NPAS2: variants seen among roughly 807,000 people sequenced by gnomAD.
The protein encoded by NPAS2 is neuronal PAS domain-containing protein 2.
In NPAS2, 23 loss-of-function variants were observed where a neutral mutation model predicts 107.5. The observed-to-expected ratio is 0.21, with a 90% CI of 0.15 to 0.30. The LOEUF is 0.30. Ranked by LOEUF, NPAS2 falls within the 10% of genes least tolerant of loss-of-function variation. The pLI is 1.00. For missense variants in NPAS2, 756 were observed against 1,043.3 expected, an observed-to-expected ratio of 0.72 and a Z score of 3.79; for synonymous variants, 403 against 417.5, an observed-to-expected ratio of 0.97 and a Z score of 0.42.
chr2:100,967,060 A>G (rs534692824), intron 10 of NPAS2, among the ~76,000 whole-genome samples: 1 of 145,436 alleles, frequency 6.9e-6, no homozygotes, highest in South Asian at 2.3e-4. Flanking sequence ...CTACACTTGT[A>G]GAATCAGGCC....
intron 7 of NPAS2, among the ~76,000 whole-genome samples, chr2:100,953,693 A>G (rs1675380675): frequency 6.6e-6 from 1 of 152,126 alleles, no homozygotes; most frequent in African/African-American, 2.4e-5. Flanking sequence ...GTGGGAAGTC[A>G]GGGGCCCACA....
chr2:100,931,128 A>G (rs1683919053), intron 3 of NPAS2, among the ~76,000 whole-genome samples: 1 of 152,170 alleles, frequency 6.6e-6, no homozygotes, highest in African/African-American at 2.4e-5. Context: ...TCTGCTTCCC[A>G]TGCTGCATTC....
At chr2:100,955,663 C>T (rs2105094578) in intron 7 of NPAS2, among the ~76,000 whole-genome samples, 1 of 150,966 alleles carries the variant, frequency 6.6e-6, no homozygotes, top group South Asian at 2.1e-4. Context: ...CTCCTGGTGC[C>T]TTGTGATTTG....
chr2:100,837,130 A>G (rs1256931673), intron 1 of NPAS2, among the ~76,000 whole-genome samples: 1 of 151,936 alleles, frequency 6.6e-6, no homozygotes, highest in African/African-American at 2.4e-5. Flanking sequence ...TCCCAAGGAG[A>G]TTTTCTTTCA....
intron 12 of NPAS2, among the ~76,000 whole-genome samples, chr2:100,974,596 G>A (rs1235839221): frequency 2.0e-5 from 3 of 152,204 alleles, no homozygotes; most frequent in East Asian, 3.8e-4. Flanking sequence ...GGTAATAAAC[G>A]CTGCTTTTCG....
intron 2 of NPAS2, among the ~76,000 whole-genome samples, chr2:100,911,357 A>T (rs1396728658): frequency 6.6e-6 from 1 of 152,160 alleles, no homozygotes; most frequent in East Asian, 1.9e-4. Flanking sequence ...ATAATTATAC[A>T]TTTTCTTATA....
At position 100,964,846 on chromosome 2, in the gene NPAS2, C is replaced by A. The variant is rs760790265; in HGVS notation, c.718-15C>A. On this transcript the variant is annotated splice_polypyrimidine_tract_variant and intron_variant, in intron 8 of 20. Coordinates refer to ENST00000335681, the MANE Select transcript of NPAS2 (RefSeq NM_002518.4). ...CACCCAAGCAACTTTTTTTTTTTTT[C>A]TGCTTCCAATACAGGAAATGTGCAT... is the stretch of plus-strand genomic sequence containing the variant. 4.9e-6 allele frequency: 7 copies of A among 1,433,864 alleles called. No individual in the cohort carries two copies. The highest frequency in any genetic ancestry group is 5.6e-5 in the East Asian group (2 of 35,462). 88.8% of individuals were successfully genotyped at this position (1,433,864 alleles called of 1,614,324 possible).
At chr2:100,833,054 C>G (rs1369219398) in intron 1 of NPAS2, among the ~76,000 whole-genome samples, 1 of 152,148 alleles carries the variant, frequency 6.6e-6, no homozygotes. Context: ...TATGAGACAC[C>G]TATAAAAACA....
intron 10 of NPAS2, among the ~76,000 whole-genome samples, chr2:100,966,085 A>G (rs1375915332): frequency 2.0e-5 from 3 of 152,104 alleles, no homozygotes; most frequent in Non-Finnish European, 4.4e-5. Flanking sequence ...TACATTTCAG[A>G]GATAAAATAC....
At chr2:100,850,036 AAGC>A (rs59196033) in intron 1 of NPAS2, among the ~76,000 whole-genome samples, 15,367 of 121,120 alleles carry the variant, frequency 0.13, 1,276 homozygotes, top group South Asian at 0.22. Context: ...AAAAAAAAAA[AAGC>A]AAGAGAAAAT....
chr2:100,964,817 C>G, intron 8 of NPAS2, 44 bp from the exon 9 acceptor site: 1 of 1,262,056 alleles, frequency 7.9e-7, no homozygotes, highest in Non-Finnish European at 1.1e-6. Context: ...GGGTGAGCAT[C>G]TGGCACCCAA....
chr2:100,974,046 T>C (rs1395870161), intron 12 of NPAS2, among the ~76,000 whole-genome samples: 2 of 152,094 alleles, frequency 1.3e-5, no homozygotes, highest in Non-Finnish European at 2.9e-5. Flanking sequence ...TTCACCATGT[T>C]GGCCAGGCTG....
intron 15 of NPAS2, among the ~76,000 whole-genome samples, chr2:100,981,756 G>A (rs1460409982): frequency 6.6e-6 from 1 of 152,118 alleles, no homozygotes; most frequent in Admixed American, 6.5e-5. Flanking sequence ...GCCAGGATCA[G>A]ATTTAGGATA....
intron 4 of NPAS2, chr2:100,935,193 G>A (rs1684220867): frequency 1.6e-6 from 1 of 639,978 alleles, no homozygotes; most frequent in African/African-American, 2.0e-5. Flanking sequence ...CTCAAAAGGA[G>A]CCAAAGTGCC....
chr2:100,910,325 C>T (rs1268876476), intron 2 of NPAS2, among the ~76,000 whole-genome samples: 1 of 152,044 alleles, frequency 6.6e-6, no homozygotes, highest in South Asian at 2.1e-4. Flanking sequence ...TGGGCCCAGA[C>T]ACTTTCTGCT....
intron 16 of NPAS2, chr2:100,982,690 C>T (rs889966476): frequency 1.8e-5 from 7 of 379,836 alleles, no homozygotes; most frequent in South Asian, 3.2e-5. Flanking sequence ...ATGCCTGCCT[C>T]GGTCCTGGGT....
intron 1 of NPAS2, among the ~76,000 whole-genome samples, chr2:100,865,029 G>A (rs926651572): frequency 2.0e-5 from 3 of 152,142 alleles, no homozygotes; most frequent in African/African-American, 2.4e-5. Context: ...CAAATATCAC[G>A]TGCCAGTGTC....
At chr2:100,819,795 C>T (rs1675945494), upstream of NPAS2, among the ~76,000 whole-genome samples, 1 of 152,054 alleles carries the variant, frequency 6.6e-6, no homozygotes, top group South Asian at 2.1e-4. The surrounding 1 kb of genome is among the most constrained non-coding windows in gnomAD (Gnocchi z 5.8). Flanking sequence ...AGCACAACCC[C>T]CCCCTCCCCC....
intron 13 of NPAS2, 92 bp downstream of exon 13, chr2:100,975,036 G>A (rs1045165183): frequency 7.1e-6 from 10 of 1,408,686 alleles, no homozygotes; most frequent in Non-Finnish European, 9.8e-6. Context: ...TGGAATCAGG[G>A]CAGTCTGTGC....
Sources: gnomAD v4.1 joint callset for allele counts (sites outside exome capture counted in the v4.1 genomes callset) on GRCh38, gnomAD v4.1.1 for gene constraint, Gnocchi (gnomAD v3.1) non-coding constraint, MANE v1.5 for transcripts, NCBI Gene and HGNC (gene_info 2026-07-23, HGNC 2026-07-21) for gene names.